SNRPD2: variants seen among roughly 807,000 people sequenced by gnomAD.
The protein encoded by SNRPD2 is small nuclear ribonucleoprotein Sm D2.
SNRPD2 carries 1 observed loss-of-function variant against 11.5 expected under a neutral mutation model. The ratio of observed to expected loss-of-function variants is 0.09; its 90% CI spans 0.03 to 0.41. The LOEUF (loss-of-function observed/expected upper bound fraction) is 0.41. Ranked by LOEUF, SNRPD2 falls within the 10% of genes least tolerant of loss-of-function variation. The pLI, the probability that SNRPD2 is intolerant of heterozygous loss-of-function variation, is 0.98. For missense variants in SNRPD2, 77 were observed against 154.9 expected (o/e 0.50, Z 2.67); for synonymous variants, 63 against 61.5 (o/e 1.02, Z -0.12).
chr19:45,691,801 C>CA, intron 1 of SNRPD2, 86 bp downstream of exon 1: 1 of 1,533,124 alleles, frequency 6.5e-7, no homozygotes, highest in South Asian at 1.1e-5. Context: ...CTGCCCCCCC[C>CA]GCTCTGCTCA....
rs914664166 is a variant in SNRPD2, at chr19:45,688,666, C to T, written c.3-100G>A. 2.9e-5 allele frequency: 24 copies of T among 838,944 alleles called. No individual in the cohort carries two copies. The African/African-American group carries it at 4.0e-4, about 14-fold the overall frequency. The allele number at this position is 838,944 out of a possible 1,614,324, so 52.0% of individuals were successfully genotyped here. A position where few individuals can be genotyped will look rare whatever the true frequency, so the allele number is the denominator to read the frequency against. ...CAGGGCCTTGGCTTCAGTGTCTCCC[C>T]AACCTTGTCCCACCACATCTGTCCT... On this transcript the variant is annotated intron_variant, in intron 1 of 2. Coordinates refer to ENST00000342669, the MANE Select transcript of SNRPD2 (RefSeq NM_001384647.1). This position sits in a 1 kb window ranked among gnomAD's most constrained non-coding sequence, Gnocchi z 4.1.
rs767628139 is a variant in SNRPD2, at chr19:45,691,907, C to G, written c.-19G>C. 1.9e-6 allele frequency: 3 copies of G among 1,614,032 alleles called. No homozygotes were observed. The highest frequency in any genetic ancestry group is 2.5e-6 in the Non-Finnish European group (3 of 1,179,996). ...CTCACATGATGGTCACTACGCTCTCCGTTCACTCCCGTTTCCTCCGCGTTG... is the reference window on the plus strand; with the variant it reads ...CTCACATGATGGTCACTACGCTCTCGGTTCACTCCCGTTTCCTCCGCGTTG... On this transcript the variant is annotated 5_prime_UTR_variant, in exon 1 of 3. Coordinates refer to ENST00000342669, the MANE Select transcript of SNRPD2 (RefSeq NM_001384647.1).
upstream of SNRPD2, chr19:45,692,081 G>A (rs986750517): frequency 4.7e-6 from 7 of 1,487,020 alleles, no homozygotes; most frequent in South Asian, 1.3e-5. Flanking sequence ...AAAAGCTTCG[G>A]GTAGGGGTTC....
In SNRPD2 at chr19:45,691,800, C is replaced by G. The variant is rs142586385; in HGVS notation, c.2+87G>C. ...CCTAAAACATCTGCCCCTGCCCCCC[C>G]CGCTCTGCTCAACCCTTCCCACACT... On this transcript the variant is annotated intron_variant, in intron 1 of 2. Transcript: ENST00000342669. The G allele has an allele frequency of 2.3e-4, 355 of 1,531,864 alleles. 1 individual carries two copies. The African/African-American group carries it at 4.1e-3, about 18-fold the overall frequency. The allele number at this position is 1,531,864 out of a possible 1,614,324, so 94.9% of individuals were successfully genotyped here.
rs1028763488 is a variant in SNRPD2 at position 45,687,529 on chromosome 19, G to A, written c.*24C>T. 6.2e-7 allele frequency: 1 copy of A among 1,609,162 alleles called. No homozygotes were observed. The highest frequency in any genetic ancestry group is 8.5e-7 in the Non-Finnish European group (1 of 1,175,668). On this transcript the variant is annotated 3_prime_UTR_variant, in exon 3 of 3. Transcript: ENST00000342669. The surrounding 1 kb of genome is among the most constrained non-coding windows in gnomAD (Gnocchi z 4.1). ...CGGTCTTCATAGGACAGAGGAGTGA[G>A]TTCTGTCAACAGACAGGCGGCCCCT...
intron 1 of SNRPD2, chr19:45,690,469 A>G (rs576161873): frequency 1.1e-3 from 169 of 151,144 alleles, no homozygotes; most frequent in Non-Finnish European, 2.1e-3. Context: ...TGGGTGACAG[A>G]GCGAGACTCC....
At position 45,691,877 on chromosome 19, in the gene SNRPD2, C is replaced by G; in HGVS notation, c.2+10G>C. On this transcript the variant is annotated intron_variant, in intron 1 of 2. Transcript: ENST00000342669. ...CTCATTCCCGCCGCCTAAGCCTAGC[C>G]CGGCCTCACATGATGGTCACTACGC... 1 of 1,614,152 alleles carries G rather than the reference C, an allele frequency of 6.2e-7. No individual in the cohort carries two copies. The highest frequency in any genetic ancestry group is 8.5e-7 in the Non-Finnish European group (1 of 1,180,008).
Position 45,687,826 on chromosome 19 carries a change from G to C in SNRPD2, c.183-99C>G. On this transcript the variant is annotated intron_variant, in intron 2 of 2. Transcript: ENST00000342669. This position sits in a 1 kb window ranked among gnomAD's most constrained non-coding sequence, Gnocchi z 4.1. ...CTCGCCCCCTCCAGCAGCATGGCTT[G>C]GGGAAGGGTGCAGGTGCTAGGCCGG... The C allele has an allele frequency of 1.0e-6, 1 of 992,900 alleles. No homozygotes were observed. The highest frequency in any genetic ancestry group is 1.5e-6 in the Non-Finnish European group (1 of 648,360). The allele number at this position is 992,900 out of a possible 1,614,324, so 61.5% of individuals were successfully genotyped here.
In SNRPD2 at chr19:45,688,515, C is replaced by G; in HGVS notation, c.54G>C (p.Lys18Asn). 6.2e-7 allele frequency: 1 copy of G among 1,614,154 alleles called. No homozygotes were observed. Among genetic ancestry groups the G allele is most frequent in the Non-Finnish European group, 8.5e-7 (1 of 1,180,002 alleles). Residue 18 changes from lysine (K) to asparagine (N), a missense_variant, in exon 2 of 3, where the codon AAG becomes AAC. Transcript: ENST00000342669. This position sits in a 1 kb window ranked among gnomAD's most constrained non-coding sequence, Gnocchi z 4.1. ...KSEMTPEELQ[K>N]REEEEFNTGP... ...CGGTGTTAAATTCCTCCTCCTCTCG[C>G]TTCTGCAGCTCCTCTGGGGTCATCT...
At position 45,688,575 on chromosome 19, in the gene SNRPD2, A is replaced by G. The variant is rs1409432480; in HGVS notation, c.3-9T>C. The G allele has an allele frequency of 1.9e-6, 3 of 1,611,544 alleles. No homozygotes were observed. Among genetic ancestry groups the G allele is most frequent in the South Asian group, 2.2e-5 (2 of 91,014 alleles). On this transcript the variant is annotated splice_polypyrimidine_tract_variant and intron_variant, in intron 1 of 2. Coordinates refer to ENST00000342669, the MANE Select transcript of SNRPD2 (RefSeq NM_001384647.1). This position sits in a 1 kb window ranked among gnomAD's most constrained non-coding sequence, Gnocchi z 4.1. ...GCTTGTTGAGGAGGCTCCTGCATGG[A>G]CAAACATGGAACCAATAAGTGAGAG...
intron 1 of SNRPD2, chr19:45,689,095 C>T (rs1275506894): frequency 2.3e-6 from 1 of 433,624 alleles, no homozygotes; most frequent in African/African-American, 2.0e-5. Flanking sequence ...CCAAGCCTAC[C>T]CTATCTACAG....
Position 45,687,562 on chromosome 19 carries a change from G to A in SNRPD2, c.348C>T (p.Ala116=), listed in dbSNP as rs368540171. The A allele has an allele frequency of 1.6e-5, 26 of 1,613,978 alleles. No individual in the cohort carries two copies. Among genetic ancestry groups the A allele is most frequent in the South Asian group, 4.4e-5 (4 of 91,080 alleles). The stretch of plus-strand genomic sequence containing the variant: ...AACAGACAGGCGGCCCCTACTTGCC[G>A]GCGATGAGCGGGTTCCGCAGGACCA... ...VIVVLRNPLI[A]GK The change falls in exon 3 of 3, where the codon GCC becomes GCT. Residue 116 remains alanine (A), a synonymous_variant. Coordinates refer to ENST00000342669, the MANE Select transcript of SNRPD2 (RefSeq NM_001384647.1). This position sits in a 1 kb window ranked among gnomAD's most constrained non-coding sequence, Gnocchi z 4.1.
chr19:45,691,634 G>A, intron 1 of SNRPD2: 1 of 533,770 alleles, frequency 1.9e-6, no homozygotes, highest in Non-Finnish European at 3.4e-6. Flanking sequence ...GCCTACTAAA[G>A]TGCTGGGATC....
At chr19:45,689,841 CCAGGGCAA>C (rs1967492891) in intron 1 of SNRPD2, among the ~76,000 whole-genome samples, 1 of 150,254 alleles carries the variant, frequency 6.7e-6, no homozygotes, top group African/African-American at 2.5e-5. Context: ...TCGAGACCAC[CCAGGGCAA>C]GATGGTGAAA....
At chr19:45,691,172 CAGGCTGGA>C (rs1396816510) in intron 1 of SNRPD2, among the ~76,000 whole-genome samples, 1 of 152,176 alleles carries the variant, frequency 6.6e-6, no homozygotes, top group Non-Finnish European at 1.5e-5. Context: ...CTCTGTCGCT[CAGGCTGGA>C]AGTGCAGTGG....
chr19:45,691,800 C>A lies in SNRPD2; in HGVS notation c.2+87G>T, dbSNP rs142586385. 281 of 1,531,868 alleles carry A rather than the reference C, an allele frequency of 1.8e-4. 2 individuals are homozygous for A. In the African/African-American group the frequency reaches 2.8e-3, roughly 15 times the overall value. 94.9% of individuals were successfully genotyped at this position (1,531,868 alleles called of 1,614,324 possible). ...CCTAAAACATCTGCCCCTGCCCCCC[C>A]CGCTCTGCTCAACCCTTCCCACACT... On this transcript the variant is annotated intron_variant, in intron 1 of 2. Transcript: ENST00000342669.
At position 45,688,357 on chromosome 19, in the gene SNRPD2, G is replaced by A. The variant is rs193131999; in HGVS notation, c.182+30C>T. The A allele has an allele frequency of 1.4e-4, 231 of 1,607,716 alleles. 1 individual carries two copies. In the African/African-American group the frequency reaches 2.1e-3, roughly 15 times the overall value. On this transcript the variant is annotated intron_variant, in intron 2 of 2. Coordinates refer to ENST00000342669, the MANE Select transcript of SNRPD2 (RefSeq NM_001384647.1). The surrounding 1 kb of genome is among the most constrained non-coding windows in gnomAD (Gnocchi z 4.1). ...GCTGGAGTGGCCTCTCCAGGCCTGC[G>A]GAGAACACCTCCCAGGACCCAGCAC...
chr19:45,687,461 A>G lies in SNRPD2; in HGVS notation c.*92T>C. 1.6e-6 allele frequency: 2 copies of G among 1,265,524 alleles called. No homozygotes were observed. The highest frequency in any genetic ancestry group is 1.9e-5 in the Admixed American group (1 of 51,976). The allele number at this position is 1,265,524 out of a possible 1,614,324, so 78.4% of individuals were successfully genotyped here. On this transcript the variant is annotated 3_prime_UTR_variant, in exon 3 of 3. Coordinates refer to ENST00000342669, the MANE Select transcript of SNRPD2 (RefSeq NM_001384647.1). This position sits in a 1 kb window ranked among gnomAD's most constrained non-coding sequence, Gnocchi z 4.1. ...CAAGGCTCTGGAAACAGATACCACTAGAAAAAAACACAGAGCTTTATTATT... is the reference window on the plus strand; with the variant it reads ...CAAGGCTCTGGAAACAGATACCACTGGAAAAAAACACAGAGCTTTATTATT...
chr19:45,691,956 G>A, upstream of SNRPD2: 8 of 1,613,658 alleles, frequency 5.0e-6, no homozygotes, highest in South Asian at 1.1e-5. Context: ...AGAGAGAGGC[G>A]GGACTTCCTC....
Sources: allele counts gnomAD v4.1 joint callset (sites outside exome capture counted in the v4.1 genomes callset), GRCh38; gene constraint gnomAD v4.1.1; non-coding constraint Gnocchi (gnomAD v3.1); transcripts MANE v1.5; gene names NCBI Gene and HGNC (gene_info 2026-07-23, HGNC 2026-07-21).